The following MEI4 variants were observed in gnomAD, a reference collection of about 807,000 sequenced individuals.
MEI4 encodes the protein meiotic double-stranded break formation protein 4, also known as meiosis-specific protein MEI4.
In MEI4, 27 loss-of-function variants were observed where a neutral mutation model predicts 31.4. The ratio of observed to expected loss-of-function variants is 0.86; its 90% confidence interval spans 0.63 to 1.19. The LOEUF is 1.19. Ranked by LOEUF, MEI4 falls within the 50% of genes most tolerant of loss-of-function variation. The pLI, the probability that MEI4 is intolerant of heterozygous loss-of-function variation, is 0.00. For synonymous variants in MEI4, 122 were observed against 145.4 expected, an observed-to-expected ratio of 0.84 and a Z score of 1.16; for missense variants, 329 against 398.9, an observed-to-expected ratio of 0.82 and a Z score of 1.49.
chr6:77,841,334 T>TATATATATATATATATATATATATA (rs1554168570), intron 4 of MEI4, among the ~76,000 whole-genome samples: 1 of 32,770 alleles, frequency 3.1e-5, no homozygotes, highest in African/African-American at 2.3e-4. Flanking sequence ...TATATATATA[T>TATATATATATATATATATATATATA]TTTTTTTTTT....
At chr6:77,736,578 C>T (rs1262449971) in intron 2 of MEI4, among the ~76,000 whole-genome samples, 1 of 152,086 alleles carries the variant, frequency 6.6e-6, no homozygotes, top group Non-Finnish European at 1.5e-5. Context: ...GATGGAAATG[C>T]AGAAATCATT....
In MEI4 at chr6:77,875,870, C is replaced by T. The variant is rs547327087; in HGVS notation, c.900+46808C>T. ...GGAATTTATCAAATGATACTCTTCA[C>T]GGGATTACTGAGTTGAAGTCTTTAT... is the stretch of plus-strand genomic sequence containing the variant. On this transcript the variant is annotated intron_variant, in intron 4 of 4. Transcript: ENST00000684080. Among the ~76,000 whole-genome samples the T allele has an allele frequency of 5.9e-5, 9 of 152,216 alleles. No individual in the cohort carries two copies. In the East Asian group the frequency reaches 1.4e-3, roughly 23 times the overall value.
intron 3 of MEI4, among the ~76,000 whole-genome samples, chr6:77,791,245 G>T (rs6935421): frequency 4.0e-4 from 61 of 152,098 alleles, no homozygotes; most frequent in African/African-American, 1.4e-3. Context: ...TGTTTATTGC[G>T]GCATTATTCA....
intron 3 of MEI4, among the ~76,000 whole-genome samples, chr6:77,819,799 G>A (rs1199049906): frequency 6.6e-6 from 1 of 151,998 alleles, no homozygotes; most frequent in Non-Finnish European, 1.5e-5. Flanking sequence ...GTTTTATTTG[G>A]AACCTAAAGA....
rs1768170349 is a variant in MEI4, at chr6:77,766,164, T to C, written c.768+4499T>C. On this transcript the variant is annotated intron_variant, in intron 3 of 4. Coordinates refer to ENST00000684080, the MANE Select transcript of MEI4 (RefSeq NM_001322247.2). ...AATGAGCTTAGTAGGGAATAGTGGA[T>C]ATTTTTCTTTCTGTTTTAATTATGG... Among the ~76,000 whole-genome samples, 4 of 152,186 alleles carry C rather than the reference T, an allele frequency of 2.6e-5. No homozygotes were observed. The South Asian group carries it at 8.3e-4, about 31-fold the overall frequency.
intron 4 of MEI4, among the ~76,000 whole-genome samples, chr6:77,920,266 T>C (rs7744772): frequency 0.15 from 23,267 of 151,998 alleles, 2,096 homozygotes; most frequent in South Asian, 0.19. Context: ...TTCTGGCAAA[T>C]CGAATCCAGC....
chr6:77,865,462 TAAAC>T (rs1306470575), intron 4 of MEI4, among the ~76,000 whole-genome samples: 1 of 152,076 alleles, frequency 6.6e-6, no homozygotes, highest in Non-Finnish European at 1.5e-5. Flanking sequence ...TCTACGCAAA[TAAAC>T]TAGAAAATCT....
At chr6:77,854,438 T>G (rs1770700493) in intron 4 of MEI4, among the ~76,000 whole-genome samples, 1 of 151,480 alleles carries the variant, frequency 6.6e-6, no homozygotes, top group South Asian at 2.1e-4. Flanking sequence ...GCCTTTTTTT[T>G]TTTTTGCTAA....
chr6:77,749,972 C>G (rs1361242527), intron 2 of MEI4, among the ~76,000 whole-genome samples: 1 of 152,194 alleles, frequency 6.6e-6, no homozygotes, highest in Non-Finnish European at 1.5e-5. Context: ...ATTCAACATT[C>G]TTAAAGAAAA....
At chr6:77,821,625 G>C (rs1769827522) in intron 3 of MEI4, among the ~76,000 whole-genome samples, 1 of 151,732 alleles carries the variant, frequency 6.6e-6, no homozygotes, top group South Asian at 2.1e-4. Context: ...GAGAAACCCT[G>C]TCTCTACTAA....
rs1335196245 is a variant in MEI4, at chr6:77,925,908, CA to C, written c.*2563del. Reference sequence around the variant, plus strand: ...CCAAATAGCCAGGTACTTACCTAAGCATTTTACATATATTAAACTGTTTGAT... The same window carrying C: ...CCAAATAGCCAGGTACTTACCTAAGCTTTTACATATATTAAACTGTTTGAT... On this transcript the variant is annotated 3_prime_UTR_variant, in exon 5 of 5. Transcript: ENST00000684080. The C allele has an allele frequency of 6.6e-6, 1 of 150,630 alleles. No individual in the cohort carries two copies. The highest frequency in any genetic ancestry group is 1.5e-5 in the Non-Finnish European group (1 of 67,748). The allele number at this position is 150,630 out of a possible 1,614,324, so 9.3% of individuals were successfully genotyped here.
In MEI4 at chr6:77,783,284, A is replaced by G. The variant is rs9294083; in HGVS notation, c.768+21619A>G. Among the ~76,000 whole-genome samples, 1,053 of 152,298 alleles carry G rather than the reference A, an allele frequency of 6.9e-3. 12 individuals are homozygous for G. The highest frequency in any genetic ancestry group is 0.024 in the African/African-American group (992 of 41,584). On this transcript the variant is annotated intron_variant, in intron 3 of 4. Coordinates refer to ENST00000684080, the MANE Select transcript of MEI4 (RefSeq NM_001322247.2). Reference sequence around the variant, plus strand: ...AATATCTGCTTACCCTGTGATAGGCATATACCTCAGGATATGGAAAAGACA... The same window carrying G: ...AATATCTGCTTACCCTGTGATAGGCGTATACCTCAGGATATGGAAAAGACA...
chr6:77,851,247 A>C (rs1770612070), intron 4 of MEI4, among the ~76,000 whole-genome samples: 1 of 152,178 alleles, frequency 6.6e-6, no homozygotes, highest in Non-Finnish European at 1.5e-5. Flanking sequence ...GGGATCTAGA[A>C]CTAGAAATAC....
chr6:77,733,135 G>C (rs1456426867), intron 2 of MEI4, among the ~76,000 whole-genome samples: 1 of 151,822 alleles, frequency 6.6e-6, no homozygotes, highest in Non-Finnish European at 1.5e-5. Context: ...GATGATGCTG[G>C]CTTCATAAAA....
chr6:77,816,490 A>G (rs1769692951), intron 3 of MEI4, among the ~76,000 whole-genome samples: 1 of 152,154 alleles, frequency 6.6e-6, no homozygotes, highest in African/African-American at 2.4e-5. Context: ...TTATGGCCGC[A>G]TAGTATTCCA....
chr6:77,658,032 C>T (rs555168395), intron 1 of MEI4, among the ~76,000 whole-genome samples: 11 of 152,176 alleles, frequency 7.2e-5, no homozygotes, highest in Non-Finnish European at 1.2e-4. Flanking sequence ...CATGCGTGTC[C>T]GTGTGAAGAG....
At chr6:77,799,382 T>C (rs1464898014) in intron 3 of MEI4, among the ~76,000 whole-genome samples, 2 of 152,324 alleles carry the variant, frequency 1.3e-5, no homozygotes, top group East Asian at 3.9e-4. Flanking sequence ...CATTGTAGAT[T>C]CTGGATATTA....
intron 3 of MEI4, among the ~76,000 whole-genome samples, chr6:77,789,403 A>G (rs1768848648): frequency 6.6e-6 from 1 of 152,230 alleles, no homozygotes; most frequent in Admixed American, 6.5e-5. Context: ...AAATTTACAA[A>G]TGGGATCTAA....
At chr6:77,815,095 T>C (rs986099484) in intron 3 of MEI4, among the ~76,000 whole-genome samples, 1 of 152,114 alleles carries the variant, frequency 6.6e-6, no homozygotes, top group African/African-American at 2.4e-5. Context: ...TTTAAGCTCT[T>C]TGACAAACTT....
Sources: gnomAD v4.1 joint callset for allele counts (sites outside exome capture counted in the v4.1 genomes callset) on GRCh38, gnomAD v4.1.1 for gene constraint, MANE v1.5 for transcripts, NCBI Gene and HGNC (gene_info 2026-07-23, HGNC 2026-07-21) for gene names.